TMCC1: variants seen among roughly 807,000 people sequenced by gnomAD.
TMCC1 encodes transmembrane and coiled-coil domain family 1, also known as transmembrane and coiled-coil domains protein 1.
In TMCC1, 15 loss-of-function variants were observed where a neutral mutation model predicts 52.4. The observed-to-expected ratio is 0.29, with a 90% CI of 0.19 to 0.44. The LOEUF (loss-of-function observed/expected upper bound fraction) is 0.44, where lower values mean the gene tolerates loss of function less well. Among genes scored for constraint, TMCC1 ranks in the 20% least tolerant of loss-of-function variants. The pLI, the probability that TMCC1 is intolerant of heterozygous loss-of-function variation, is 1.00. For missense variants in TMCC1, 503 were observed against 806.0 expected (o/e 0.62, Z 4.55); for synonymous variants, 279 against 301.9 (o/e 0.92, Z 0.79).
intron 2 of TMCC1, among the ~76,000 whole-genome samples, chr3:129,863,990 C>T (rs577000047): frequency 2.0e-5 from 3 of 152,168 alleles, no homozygotes; most frequent in Admixed American, 6.6e-5. Context: ...TTATCTAGAA[C>T]TAGTTGTGAA....
intron 2 of TMCC1, among the ~76,000 whole-genome samples, chr3:129,833,068 C>A (rs1339572556): frequency 6.6e-6 from 1 of 151,826 alleles, no homozygotes; most frequent in Non-Finnish European, 1.5e-5. Flanking sequence ...ATTAACTTAG[C>A]ACTTGAAAAA....
In TMCC1 at chr3:129,883,440, C is replaced by A. The variant is rs147910365; in HGVS notation, c.-434-2881G>T. Among the ~76,000 whole-genome samples the A allele has an allele frequency of 7.2e-5, 11 of 152,156 alleles. No homozygotes were observed. The East Asian group carries it at 2.1e-3, about 29-fold the overall frequency. ...TCAGTCCGGGCAACATGGTGAGGCC[C>A]CATTTCTACAAAAAACTGTAAAAAT... On this transcript the variant is annotated intron_variant, in intron 1 of 6. Coordinates refer to ENST00000393238, the MANE Select transcript of TMCC1 (RefSeq NM_001017395.5).
At position 129,846,579 on chromosome 3, in the gene TMCC1, T is replaced by C. The variant is rs370404569; in HGVS notation, c.-183-13753A>G. Among the ~76,000 whole-genome samples, 7 of 152,328 alleles carry C rather than the reference T, an allele frequency of 4.6e-5. No individual in the cohort carries two copies. In the East Asian group the frequency reaches 1.3e-3, roughly 29 times the overall value. The stretch of plus-strand genomic sequence containing the variant: ...CCACCTACTAAGGGAATTTGTGATT[T>C]AGCAACATCTTTTACCAACCAGTCA... On this transcript the variant is annotated intron_variant, in intron 2 of 6. Transcript: ENST00000393238.
At chr3:129,753,967 A>G (rs1294211802) in intron 4 of TMCC1, among the ~76,000 whole-genome samples, 5 of 151,708 alleles carry the variant, frequency 3.3e-5, no homozygotes, top group Admixed American at 6.6e-5. Context: ...AAAATCCCCC[A>G]AACAAAAGAC....
chr3:129,695,096 CAAAAA>C (rs11291309), intron 4 of TMCC1, among the ~76,000 whole-genome samples: 1 of 35,238 alleles, frequency 2.8e-5, no homozygotes, highest in Admixed American at 5.2e-4. Context: ...GACTCTGTCT[CAAAAA>C]AAAAAAAAAA....
intron 4 of TMCC1, among the ~76,000 whole-genome samples, chr3:129,790,893 A>AT (rs2056408264): frequency 6.6e-6 from 1 of 152,150 alleles, no homozygotes; most frequent in South Asian, 2.1e-4. Context: ...ACGAAAACAA[A>AT]TTTAATTATG....
intron 4 of TMCC1, among the ~76,000 whole-genome samples, chr3:129,806,737 A>G (rs1371795470): frequency 1.3e-5 from 2 of 152,302 alleles, no homozygotes; most frequent in Non-Finnish European, 1.5e-5. Context: ...ACAAATATAT[A>G]AAACAAGAAA....
intron 4 of TMCC1, among the ~76,000 whole-genome samples, chr3:129,704,753 G>A (rs1343843119): frequency 1.3e-5 from 2 of 152,040 alleles, no homozygotes; most frequent in African/African-American, 4.8e-5. Flanking sequence ...ATTCTGCTGA[G>A]GCCAAAACAG....
chr3:129,853,515 G>A (rs1460202712), intron 2 of TMCC1, among the ~76,000 whole-genome samples: 2 of 151,420 alleles, frequency 1.3e-5, no homozygotes, highest in East Asian at 3.9e-4. Context: ...TGTAGTCCTA[G>A]TTACTCAGGA....
At chr3:129,675,862 C>T (rs1215266093) in intron 4 of TMCC1, among the ~76,000 whole-genome samples, 1 of 151,744 alleles carries the variant, frequency 6.6e-6, no homozygotes, top group East Asian at 1.9e-4. Flanking sequence ...ACGGTGAAAC[C>T]CCATCTCTAC....
At chr3:129,815,920 G>A (rs2058073232) in intron 4 of TMCC1, among the ~76,000 whole-genome samples, 1 of 152,036 alleles carries the variant, frequency 6.6e-6, no homozygotes, top group African/African-American at 2.4e-5. Context: ...ATTTTATAAT[G>A]GGCAAAAGAT....
chr3:129,877,315 T>C (rs1419141441), intron 2 of TMCC1, among the ~76,000 whole-genome samples: 5 of 152,160 alleles, frequency 3.3e-5, no homozygotes, highest in Non-Finnish European at 7.4e-5. Context: ...TCACTCCCTA[T>C]TCCTTGAAAC....
At chr3:129,854,995 A>G (rs893664364) in intron 2 of TMCC1, among the ~76,000 whole-genome samples, 1 of 152,208 alleles carries the variant, frequency 6.6e-6, no homozygotes, top group African/African-American at 2.4e-5. Context: ...CATGCTCAAA[A>G]ATCATGAGAT....
At chr3:129,874,269 T>G (rs1165574086) in intron 2 of TMCC1, among the ~76,000 whole-genome samples, 1 of 152,212 alleles carries the variant, frequency 6.6e-6, no homozygotes, top group Admixed American at 6.5e-5. Flanking sequence ...AGCTGTTATT[T>G]CTACAAAGTA....
At chr3:129,746,148 T>C (rs1463946251) in intron 4 of TMCC1, among the ~76,000 whole-genome samples, 3 of 151,844 alleles carry the variant, frequency 2.0e-5, no homozygotes, top group Non-Finnish European at 4.4e-5. Context: ...TTAATAAATA[T>C]GCATATAGCT....
chr3:129,824,845 G>A (rs1402471918), intron 4 of TMCC1, among the ~76,000 whole-genome samples: 1 of 152,144 alleles, frequency 6.6e-6, no homozygotes, highest in Non-Finnish European at 1.5e-5. Context: ...AGTGGAAATG[G>A]AAAATATTTT....
chr3:129,860,665 T>C (rs943222076), intron 2 of TMCC1, among the ~76,000 whole-genome samples: 7 of 151,786 alleles, frequency 4.6e-5, no homozygotes, highest in Admixed American at 2.0e-4. Flanking sequence ...AATGGTGCGA[T>C]CTCAGCTCAC....
At chr3:129,882,342 TAA>T (rs372196917) in intron 1 of TMCC1, among the ~76,000 whole-genome samples, 2 of 143,536 alleles carry the variant, frequency 1.4e-5, no homozygotes, top group South Asian at 2.2e-4. Context: ...TAGCTATGAT[TAA>T]AAAAAAAAAA....
Position 129,777,088 on chromosome 3 carries a change from C to A in TMCC1, c.576+50715G>T, listed in dbSNP as rs188895611. Among the ~76,000 whole-genome samples the A allele has an allele frequency of 3.7e-3, 565 of 152,302 alleles. 3 individuals carry two copies. The highest frequency in any genetic ancestry group is 0.017 in the Middle Eastern group (5 of 294). On this transcript the variant is annotated intron_variant, in intron 4 of 6. Transcript: ENST00000393238. ...ATTAATCAATAAAATAGGCCAAACA[C>A]TATCTAATAACTGTTCAAAGAGTGG... is the stretch of plus-strand genomic sequence containing the variant.
Sources: allele counts gnomAD v4.1 joint callset (sites outside exome capture counted in the v4.1 genomes callset), GRCh38; gene constraint gnomAD v4.1.1; transcripts MANE v1.5; gene names NCBI Gene and HGNC (gene_info 2026-07-23, HGNC 2026-07-21).